The following KIAA1217 variants were observed in gnomAD, a reference collection of about 807,000 sequenced individuals.
The protein encoded by KIAA1217 is sickle tail protein homolog.
In KIAA1217, 88 loss-of-function variants were observed where a neutral mutation model predicts 163.9. That is an observed-to-expected ratio of 0.54 (90% CI 0.45 to 0.64). The LOEUF is 0.64. Ranked by LOEUF, KIAA1217 falls within the 30% of genes least tolerant of loss-of-function variation. The pLI is 0.00. For missense variants in KIAA1217, 2,372 were observed against 2,475.0 expected, an observed-to-expected ratio of 0.96 and a Z score of 0.88; for synonymous variants, 903 against 923.1, an observed-to-expected ratio of 0.98 and a Z score of 0.39.
At chr10:23,796,330 C>T (rs918899612) in intron 1 of KIAA1217, among the ~76,000 whole-genome samples, 9 of 143,282 alleles carry the variant, frequency 6.3e-5, no homozygotes, top group Admixed American at 2.1e-4. Flanking sequence ...CTTGCCTTCC[C>T]GAGAGACTGC....
intron 1 of KIAA1217, among the ~76,000 whole-genome samples, chr10:23,744,105 T>C (rs1588703924): frequency 6.6e-6 from 1 of 152,124 alleles, no homozygotes; most frequent in South Asian, 2.1e-4. Flanking sequence ...TAGATGGGCC[T>C]GGATCAGGGC....
chr10:24,417,734 A>T (rs1341609081), intron 3 of KIAA1217, among the ~76,000 whole-genome samples: 4 of 152,170 alleles, frequency 2.6e-5, no homozygotes, highest in Non-Finnish European at 5.9e-5. Flanking sequence ...ATGGAATCTA[A>T]GCATCCCACA....
chr10:24,313,776 T>C (rs1236066912), intron 2 of KIAA1217, among the ~76,000 whole-genome samples: 1 of 151,922 alleles, frequency 6.6e-6, no homozygotes, highest in Non-Finnish European at 1.5e-5. Context: ...TTACAGGCCA[T>C]GATTGGATTT....
intron 1 of KIAA1217, among the ~76,000 whole-genome samples, chr10:23,800,115 C>T (rs1398354969): frequency 6.6e-6 from 1 of 152,086 alleles, no homozygotes; most frequent in African/African-American, 2.4e-5. Context: ...CTCATATTTT[C>T]ACAAAAATGG....
intron 1 of KIAA1217, among the ~76,000 whole-genome samples, chr10:23,796,456 C>A (rs1158132598): frequency 6.6e-6 from 1 of 151,866 alleles, no homozygotes; most frequent in Non-Finnish European, 1.5e-5. Context: ...CTCTGCCTCC[C>A]GGGTTCAAGC....
chr10:23,840,909 T>C (rs1486415201), intron 1 of KIAA1217, among the ~76,000 whole-genome samples: 2 of 152,202 alleles, frequency 1.3e-5, no homozygotes, highest in Non-Finnish European at 2.9e-5. Context: ...AGAATAGTGG[T>C]CAAGAATATG....
At chr10:23,908,562 C>T (rs1165558734) in intron 1 of KIAA1217, among the ~76,000 whole-genome samples, 1 of 152,056 alleles carries the variant, frequency 6.6e-6, no homozygotes, top group Non-Finnish European at 1.5e-5. Flanking sequence ...GCCTTTGAGT[C>T]ATGGCTTCTT....
In KIAA1217 at chr10:23,706,858, C is replaced by T. The variant is rs141750263; in HGVS notation, c.-321+11624C>T. 3.0e-4 allele frequency among the ~76,000 whole-genome samples: 45 copies of T among 152,184 alleles called. 1 individual carries two copies. The East Asian group carries it at 8.7e-3, about 29-fold the overall frequency. ...GAAGTCTAGGGCTGATAGTGAGTTC[C>T]AGTCAGCAGTATGGAAGAGGGGAGG... is the stretch of plus-strand genomic sequence containing the variant. On this transcript the variant is annotated intron_variant, in intron 1 of 18. Transcript: ENST00000376462.
At chr10:24,383,471 A>G (rs1019515773) in intron 3 of KIAA1217, among the ~76,000 whole-genome samples, 3 of 152,324 alleles carry the variant, frequency 2.0e-5, no homozygotes, top group South Asian at 2.1e-4. Context: ...CGGCTTGCCC[A>G]AGGAATGGCT....
intron 1 of KIAA1217, among the ~76,000 whole-genome samples, chr10:24,004,563 T>C (rs1019984964): frequency 1.3e-5 from 2 of 152,244 alleles, no homozygotes; most frequent in Non-Finnish European, 2.9e-5. Flanking sequence ...TAGAGAATTT[T>C]GCTTACTACG....
intron 2 of KIAA1217, among the ~76,000 whole-genome samples, chr10:24,076,209 A>G (rs1012688652): frequency 3.9e-5 from 6 of 152,218 alleles, no homozygotes; most frequent in Non-Finnish European, 7.4e-5. Flanking sequence ...CCATGGGGTT[A>G]TTTTCCTGCT....
intron 2 of KIAA1217, among the ~76,000 whole-genome samples, chr10:24,144,495 T>C (rs1237534851): frequency 1.3e-5 from 2 of 152,354 alleles, no homozygotes; most frequent in East Asian, 3.9e-4. Flanking sequence ...GGGGTAACTA[T>C]TATTGACTTA....
At chr10:24,502,452 A>G (rs2183696) in intron 9 of KIAA1217, among the ~76,000 whole-genome samples, 76,322 of 151,870 alleles carry the variant, frequency 0.5, 19,931 homozygotes, top group African/African-American at 0.63. Flanking sequence ...GGGAATCAGG[A>G]TAAGTGACCC....
intron 2 of KIAA1217, among the ~76,000 whole-genome samples, chr10:24,075,445 T>C (rs1239595085): frequency 1.3e-5 from 2 of 152,104 alleles, no homozygotes; most frequent in African/African-American, 2.4e-5. Context: ...CTTTCCTTAA[T>C]TGCTGTAGCA....
intron 3 of KIAA1217, among the ~76,000 whole-genome samples, chr10:24,425,757 G>A (rs2059122378): frequency 6.6e-6 from 1 of 152,150 alleles, no homozygotes; most frequent in Non-Finnish European, 1.5e-5. Flanking sequence ...TTGAATTAGT[G>A]CTTCAAACCA....
chr10:23,921,364 G>T (rs1402122815), intron 1 of KIAA1217, among the ~76,000 whole-genome samples: 2 of 152,162 alleles, frequency 1.3e-5, no homozygotes, highest in Non-Finnish European at 2.9e-5. Context: ...CCAGTGAGAA[G>T]ATTCCATCAG....
intron 2 of KIAA1217, among the ~76,000 whole-genome samples, chr10:24,128,693 G>A (rs1237971628): frequency 6.6e-6 from 1 of 152,186 alleles, no homozygotes; most frequent in Non-Finnish European, 1.5e-5. Context: ...TGAGCATGAA[G>A]TCCCAGGAGA....
At chr10:24,344,790 T>A (rs1328135454) in intron 2 of KIAA1217, among the ~76,000 whole-genome samples, 1 of 152,230 alleles carries the variant, frequency 6.6e-6, no homozygotes, top group Non-Finnish European at 1.5e-5. Flanking sequence ...AAATGAGATT[T>A]CTTTCTATCT....
At chr10:24,347,206 C>G (rs1032924316) in intron 2 of KIAA1217, among the ~76,000 whole-genome samples, 47 of 152,090 alleles carry the variant, frequency 3.1e-4, no homozygotes, top group African/African-American at 1.1e-3. Flanking sequence ...AAATGATAGC[C>G]CTCTACCCAG....
Sources: gnomAD v4.1 joint callset for allele counts (sites outside exome capture counted in the v4.1 genomes callset) on GRCh38, gnomAD v4.1.1 for gene constraint, MANE v1.5 for transcripts, NCBI Gene and HGNC (gene_info 2026-07-23, HGNC 2026-07-21) for gene names.